The following DLG2 variants were observed in gnomAD, a reference collection of about 807,000 sequenced individuals.
DLG2 encodes the protein discs large MAGUK scaffold protein 2.
DLG2 carries 45 observed loss-of-function variants against 132.5 expected under a neutral mutation model. The observed-to-expected ratio is 0.34, with a 90% CI of 0.27 to 0.44. The LOEUF (loss-of-function observed/expected upper bound fraction) is 0.44, where lower values mean the gene tolerates loss of function less well. Ranked by LOEUF, DLG2 falls within the 20% of genes least tolerant of loss-of-function variation. DLG2 has a pLI of 1.00. For synonymous variants in DLG2, 424 were observed against 419.6 expected (o/e 1.01, Z -0.13); for missense variants, 1,045 against 1,196.9 (o/e 0.87, Z 1.87).
chr11:85,096,563 A>G (rs536389660), intron 6 of DLG2, among the ~76,000 whole-genome samples: 1 of 152,104 alleles, frequency 6.6e-6, no homozygotes, highest in Non-Finnish European at 1.5e-5. Flanking sequence ...GAGCTGTAAC[A>G]CTCACCGCAA....
At chr11:84,912,207 C>A (rs765709679) in intron 6 of DLG2, among the ~76,000 whole-genome samples, 35 of 152,166 alleles carry the variant, frequency 2.3e-4, no homozygotes, top group Non-Finnish European at 4.3e-4. Flanking sequence ...TGGAGCACAG[C>A]GGCGCGATCT....
rs569326450 is a variant in DLG2, at chr11:84,131,261, G to A, written c.624+32200C>T. On this transcript the variant is annotated intron_variant, in intron 9 of 27. Transcript: ENST00000376104. Reference sequence around the variant, plus strand: ...AACAGGGAAGACAGGTCAGTGAAGTGGCAAATGAGTCAGCTTAGATTATTG... The same window carrying A: ...AACAGGGAAGACAGGTCAGTGAAGTAGCAAATGAGTCAGCTTAGATTATTG... Among the ~76,000 whole-genome samples, 20 of 152,042 alleles carry A rather than the reference G, an allele frequency of 1.3e-4. No individual in the cohort carries two copies. The South Asian group carries it at 3.5e-3, about 27-fold the overall frequency.
rs71465019 is a variant in DLG2 at position 85,087,844 on chromosome 11, CAAAAAAAAA to C, written c.357+23808_357+23816del. Among the ~76,000 whole-genome samples, 19 of 22,056 alleles carry C rather than the reference CAAAAAAAAA, an allele frequency of 8.6e-4. 1 individual carries two copies. The highest frequency in any genetic ancestry group is 6.7e-3 in the Admixed American group (13 of 1,926). 14.5% of individuals were successfully genotyped at this position (22,056 alleles called of 152,430 possible). On this transcript the variant is annotated intron_variant, in intron 6 of 27. Coordinates refer to ENST00000376104, the MANE Select transcript of DLG2 (RefSeq NM_001142699.3). The stretch of plus-strand genomic sequence containing the variant: ...TGGGCGACAGAGCGAGACTCCGTCT[CAAAAAAAAA>C]AAAAAAAAAAAAAAAACAGATCATG...
chr11:83,680,875 T>A (rs2153597438), intron 18 of DLG2, among the ~76,000 whole-genome samples: 1 of 133,298 alleles, frequency 7.5e-6, no homozygotes, highest in East Asian at 2.0e-4. Context: ...AAGCTAAGTC[T>A]TTGGTGAAAA....
At chr11:84,716,507 C>T (rs895595025) in intron 6 of DLG2, among the ~76,000 whole-genome samples, 1 of 151,856 alleles carries the variant, frequency 6.6e-6, no homozygotes, top group Non-Finnish European at 1.5e-5. Context: ...TATAGGCTGG[C>T]CCTTGAAATT....
intron 6 of DLG2, among the ~76,000 whole-genome samples, chr11:84,541,886 G>A (rs779615627): frequency 2.6e-5 from 4 of 152,134 alleles, no homozygotes; most frequent in Non-Finnish European, 4.4e-5. Flanking sequence ...GCTTGTGTGA[G>A]TCAGAACAAA....
At chr11:84,876,415 G>A (rs1365853666) in intron 6 of DLG2, among the ~76,000 whole-genome samples, 2 of 151,944 alleles carry the variant, frequency 1.3e-5, no homozygotes, top group Admixed American at 1.3e-4. Flanking sequence ...GTCTTGGGAG[G>A]GTGTATGTGT....
intron 8 of DLG2, among the ~76,000 whole-genome samples, chr11:84,239,511 G>T (rs902634337): frequency 6.6e-6 from 1 of 152,080 alleles, no homozygotes; most frequent in Non-Finnish European, 1.5e-5. Flanking sequence ...AAGCACAATT[G>T]TATCTGGTGA....
chr11:84,382,788 T>C (rs1567477962), intron 7 of DLG2, among the ~76,000 whole-genome samples: 1 of 151,516 alleles, frequency 6.6e-6, no homozygotes, highest in Non-Finnish European at 1.5e-5. Context: ...ACTCAATCTC[T>C]CTCCTACCAC....
intron 6 of DLG2, among the ~76,000 whole-genome samples, chr11:84,868,727 G>C (rs77388145): frequency 1.3e-5 from 2 of 152,158 alleles, no homozygotes; most frequent in African/African-American, 4.8e-5. Flanking sequence ...TCACAGAAGA[G>C]ATCTGTAGCT....
At chr11:83,635,797 T>C (rs2064664670) in intron 18 of DLG2, among the ~76,000 whole-genome samples, 1 of 152,194 alleles carries the variant, frequency 6.6e-6, no homozygotes, top group Non-Finnish European at 1.5e-5. Flanking sequence ...TCATTAGATA[T>C]TTAGGCTTGT....
At chr11:83,782,400 A>G (rs1264437833) in intron 18 of DLG2, among the ~76,000 whole-genome samples, 1 of 152,236 alleles carries the variant, frequency 6.6e-6, no homozygotes, top group Admixed American at 6.5e-5. Flanking sequence ...AGGGTCTATC[A>G]CAGCTCCTAG....
chr11:83,751,293 A>G (rs1051649314), intron 18 of DLG2, among the ~76,000 whole-genome samples: 1 of 152,230 alleles, frequency 6.6e-6, no homozygotes, highest in African/African-American at 2.4e-5. Context: ...CAGCAGAAAC[A>G]GTAGAGGAAG....
At chr11:83,844,927 G>A (rs1202033146) in intron 16 of DLG2, among the ~76,000 whole-genome samples, 6 of 152,114 alleles carry the variant, frequency 3.9e-5, no homozygotes, top group African/African-American at 1.2e-4. Context: ...TTATCCTAGT[G>A]TTTTTCCTAT....
intron 19 of DLG2, among the ~76,000 whole-genome samples, chr11:83,566,854 T>C (rs547204059): frequency 6.6e-6 from 1 of 152,246 alleles, no homozygotes; most frequent in South Asian, 2.1e-4. Flanking sequence ...ATTTATTTTA[T>C]GATAAAGCTT....
chr11:84,985,444 C>A (rs1360090096), intron 6 of DLG2, among the ~76,000 whole-genome samples: 2 of 152,142 alleles, frequency 1.3e-5, no homozygotes, highest in African/African-American at 2.4e-5. Flanking sequence ...AATAGTGACA[C>A]AACCTATCAA....
intron 2 of DLG2, among the ~76,000 whole-genome samples, chr11:85,621,582 A>G (rs1454891025): frequency 6.6e-6 from 1 of 152,220 alleles, no homozygotes; most frequent in Non-Finnish European, 1.5e-5. Flanking sequence ...TCCAACTTTC[A>G]TGGATGACTT....
At chr11:84,139,936 T>C (rs2154236614) in intron 9 of DLG2, among the ~76,000 whole-genome samples, 1 of 152,282 alleles carries the variant, frequency 6.6e-6, no homozygotes, top group East Asian at 1.9e-4. Flanking sequence ...ATTGTTGCTT[T>C]TAGAAAAGTA....
intron 3 of DLG2, among the ~76,000 whole-genome samples, chr11:85,501,486 T>G (rs943170397): frequency 6.6e-6 from 1 of 152,140 alleles, no homozygotes; most frequent in African/African-American, 2.4e-5. Flanking sequence ...ACAGGCAACC[T>G]ACAGAACGGG....
Sources: allele counts gnomAD v4.1 joint callset (sites outside exome capture counted in the v4.1 genomes callset), GRCh38; gene constraint gnomAD v4.1.1; transcripts MANE v1.5; gene names NCBI Gene and HGNC (gene_info 2026-07-23, HGNC 2026-07-21).